Variants in CTNNA2 observed in about 807,000 individuals in gnomAD.
CTNNA2 encodes catenin alpha 2.
A neutral mutation model predicts 101.0 loss-of-function variants in CTNNA2; 42 were observed. That is an observed-to-expected ratio of 0.42 (90% confidence interval 0.32 to 0.54). The LOEUF (loss-of-function observed/expected upper bound fraction) is 0.54. Among genes scored for constraint, CTNNA2 ranks in the 20% least tolerant of loss-of-function variants. The pLI is 0.14. For missense variants in CTNNA2, 871 were observed against 1,223.1 expected, an observed-to-expected ratio of 0.71 and a Z score of 4.29; for synonymous variants, 450 against 456.4, an observed-to-expected ratio of 0.99 and a Z score of 0.18.
intron 1 of CTNNA2, among the ~76,000 whole-genome samples, chr2:79,539,410 G>A (rs537798403): frequency 6.6e-6 from 1 of 152,224 alleles, no homozygotes; most frequent in South Asian, 2.1e-4. Flanking sequence ...TGGGTCCTCT[G>A]GATATAAAGT....
At chr2:80,594,323 T>G (rs1696762994) in intron 15 of CTNNA2, among the ~76,000 whole-genome samples, 2 of 152,094 alleles carry the variant, frequency 1.3e-5, no homozygotes, top group African/African-American at 4.8e-5. Context: ...TTTTGCCCAT[T>G]TTTTAGTTGG....
Position 80,285,745 on chromosome 2 carries a change from C to T in CTNNA2, c.1057-107466C>T, listed in dbSNP as rs191956167. Among the ~76,000 whole-genome samples the T allele has an allele frequency of 1.3e-3, 195 of 152,254 alleles. 1 individual carries two copies. The highest frequency in any genetic ancestry group is 2.6e-4 in the Non-Finnish European group (18 of 68,006). ...AGTCTGATGTAGAATTAAATGGTCTCCTGACAGATGAGCCTTCAAATATGA... is the reference window on the plus strand; with the variant it reads ...AGTCTGATGTAGAATTAAATGGTCTTCTGACAGATGAGCCTTCAAATATGA... On this transcript the variant is annotated intron_variant, in intron 7 of 18. Coordinates refer to ENST00000402739, the MANE Select transcript of CTNNA2 (RefSeq NM_001282597.3).
At chr2:79,730,914 T>A (rs1687156745) in intron 2 of CTNNA2, among the ~76,000 whole-genome samples, 1 of 151,952 alleles carries the variant, frequency 6.6e-6, no homozygotes, top group African/African-American at 2.4e-5. Flanking sequence ...AATGAATAAA[T>A]CATTTTTATT....
intron 4 of CTNNA2, among the ~76,000 whole-genome samples, chr2:79,420,204 A>G (rs1678526413): frequency 6.6e-6 from 1 of 152,176 alleles, no homozygotes; most frequent in Admixed American, 6.6e-5. Flanking sequence ...AAGGAAGTAT[A>G]AAGAGCAACA....
intron 7 of CTNNA2, among the ~76,000 whole-genome samples, chr2:80,365,327 T>C (rs1328312005): frequency 6.6e-6 from 1 of 152,208 alleles, no homozygotes; most frequent in Admixed American, 6.5e-5. Context: ...CACTGTTCAC[T>C]GTTGACATGC....
intron 7 of CTNNA2, among the ~76,000 whole-genome samples, chr2:79,970,025 A>G (rs1261985277): frequency 3.3e-5 from 5 of 152,196 alleles, no homozygotes; most frequent in Admixed American, 1.3e-4. Flanking sequence ...CTGATATTCT[A>G]CTGTTACTAC....
At chr2:79,401,911 C>T (rs1225536843) in intron 4 of CTNNA2, among the ~76,000 whole-genome samples, 1 of 151,302 alleles carries the variant, frequency 6.6e-6, no homozygotes, top group African/African-American at 2.4e-5. Flanking sequence ...ACACTGTCCA[C>T]AAGAGAAAAA....
intron 2 of CTNNA2, among the ~76,000 whole-genome samples, chr2:79,233,828 T>C (rs1042872768): frequency 6.6e-6 from 1 of 152,072 alleles, no homozygotes; most frequent in African/African-American, 2.4e-5. Flanking sequence ...TTTCTGATTA[T>C]TGTTGGTTTA....
intron 7 of CTNNA2, among the ~76,000 whole-genome samples, chr2:80,374,960 TG>T (rs1328108368): frequency 1.3e-5 from 2 of 151,926 alleles, no homozygotes; most frequent in Non-Finnish European, 2.9e-5. Context: ...ACTTACTTAG[TG>T]GAATGATATA....
chr2:79,460,928 G>A (rs1573176374), intron 4 of CTNNA2, among the ~76,000 whole-genome samples: 1 of 151,968 alleles, frequency 6.6e-6, no homozygotes, highest in African/African-American at 2.4e-5. Flanking sequence ...TGCAACATCT[G>A]CCTCCAGGGT....
intron 2 of CTNNA2, among the ~76,000 whole-genome samples, chr2:79,257,922 C>G (rs559666292): frequency 1.4e-4 from 21 of 152,226 alleles, no homozygotes; most frequent in Non-Finnish European, 2.6e-4. Flanking sequence ...CCCCCTTGCC[C>G]CCTCCTAGCT....
chr2:79,897,992 T>G (rs1684829283), intron 6 of CTNNA2, among the ~76,000 whole-genome samples: 1 of 152,174 alleles, frequency 6.6e-6, no homozygotes, highest in African/African-American at 2.4e-5. Flanking sequence ...CAATCAGCTA[T>G]TAAACGTGCC....
intron 3 of CTNNA2, among the ~76,000 whole-genome samples, chr2:79,762,429 T>C (rs1411641024): frequency 6.6e-6 from 1 of 152,154 alleles, no homozygotes; most frequent in African/African-American, 2.4e-5. Context: ...CATTTCAGCC[T>C]TGGGAAACAG....
At chr2:80,534,718 A>G (rs1690845523) in intron 9 of CTNNA2, among the ~76,000 whole-genome samples, 1 of 152,164 alleles carries the variant, frequency 6.6e-6, no homozygotes, top group African/African-American at 2.4e-5. Flanking sequence ...ATGGGATGCA[A>G]TGCTGGTAGC....
chr2:79,933,538 T>A (rs1687589102), intron 7 of CTNNA2, among the ~76,000 whole-genome samples: 1 of 151,432 alleles, frequency 6.6e-6, no homozygotes, highest in Admixed American at 6.6e-5. Context: ...CACTGCAACC[T>A]CTGCGTCCCG....
chr2:79,215,593 G>A (rs888243486), intron 2 of CTNNA2, among the ~76,000 whole-genome samples: 3 of 152,124 alleles, frequency 2.0e-5, no homozygotes, highest in East Asian at 1.9e-4. Context: ...AGGGTCTAGG[G>A]CTGTAAAGTG....
intron 7 of CTNNA2, among the ~76,000 whole-genome samples, chr2:80,114,846 T>C (rs17018630): frequency 0.03 from 4,514 of 152,258 alleles, 211 homozygotes; most frequent in African/African-American, 0.1. Flanking sequence ...TGCTCCATGG[T>C]TTCCATCAAA....
intron 11 of CTNNA2, among the ~76,000 whole-genome samples, 171 bp downstream of exon 11, chr2:80,546,234 G>A (rs758465537): frequency 1.3e-5 from 2 of 152,202 alleles, no homozygotes; most frequent in Non-Finnish European, 2.9e-5. Flanking sequence ...AGATGCTTCG[G>A]TGTTTATGTT....
intron 7 of CTNNA2, among the ~76,000 whole-genome samples, chr2:80,106,646 G>A (rs578103151): frequency 2.6e-5 from 4 of 152,180 alleles, no homozygotes; most frequent in South Asian, 2.1e-4. Flanking sequence ...TCAAGGCCTC[G>A]TGCATTCCAA....
Sources: allele counts gnomAD v4.1 joint callset (sites outside exome capture counted in the v4.1 genomes callset), GRCh38; gene constraint gnomAD v4.1.1; transcripts MANE v1.5; gene names NCBI Gene and HGNC (gene_info 2026-07-23, HGNC 2026-07-21).